FGGY: variants seen among roughly 807,000 people sequenced by gnomAD.
FGGY encodes the protein FGGY carbohydrate kinase domain containing.
In FGGY, 72 loss-of-function variants were observed where a neutral mutation model predicts 71.3. The observed-to-expected ratio is 1.01, with a 90% confidence interval of 0.84 to 1.23. The LOEUF is 1.23. Among genes scored for constraint, FGGY ranks in the 50% most tolerant of loss-of-function variants. The probability of loss-of-function intolerance (pLI) is 0.00; values close to 1 mark genes in which losing one functional copy is unlikely to be tolerated. For missense variants in FGGY, 668 were observed against 682.3 expected (o/e 0.98, Z 0.23); for synonymous variants, 251 against 250.3 (o/e 1.00, Z -0.02).
chr1:59,366,711 G>A (rs761826407), intron 4 of FGGY, among the ~76,000 whole-genome samples: 1 of 151,636 alleles, frequency 6.6e-6, no homozygotes, highest in Non-Finnish European at 1.5e-5. Flanking sequence ...TCATGAGTTA[G>A]ACTTGGCTCT....
chr1:59,677,006 G>A lies in FGGY; in HGVS notation c.1512+2873G>A, dbSNP rs906342616. Among the ~76,000 whole-genome samples the A allele has an allele frequency of 3.4e-4, 51 of 152,070 alleles. 1 individual carries two copies. Among genetic ancestry groups the A allele is most frequent in the African/African-American group, 1.0e-3 (42 of 41,452 alleles). ...GAATTGCCACCCATATGGGACTATC[G>A]AGATAAAGAGCCTTTGAAAGTTCCA... On this transcript the variant is annotated intron_variant, in intron 14 of 15. Coordinates refer to ENST00000303721, the MANE Select transcript of FGGY (RefSeq NM_018291.5).
intron 1 of FGGY, among the ~76,000 whole-genome samples, chr1:59,298,954 G>A (rs2153072791): frequency 6.6e-6 from 1 of 152,340 alleles, no homozygotes; most frequent in South Asian, 2.1e-4. Flanking sequence ...GGAAAGTGCA[G>A]ATGAGTAAGA....
chr1:59,354,143 T>C, intron 4 of FGGY, among the ~76,000 whole-genome samples: 1 of 152,144 alleles, frequency 6.6e-6, no homozygotes, highest in East Asian at 1.9e-4. Flanking sequence ...AGTAGCACAG[T>C]CTTGGCTCAT....
intron 4 of FGGY, among the ~76,000 whole-genome samples, chr1:59,350,658 G>A (rs2053097584): frequency 1.3e-5 from 2 of 152,214 alleles, no homozygotes; most frequent in Admixed American, 6.5e-5. Context: ...TGTTAAGCAA[G>A]GGAGGGGCTG....
At chr1:59,618,773 G>C (rs1229347880) in intron 9 of FGGY, among the ~76,000 whole-genome samples, 1 of 151,978 alleles carries the variant, frequency 6.6e-6, no homozygotes, top group African/African-American at 2.4e-5. Flanking sequence ...ATATGAATGA[G>C]AATATACACT....
At chr1:59,573,552 A>G (rs1314783847) in intron 8 of FGGY, among the ~76,000 whole-genome samples, 1 of 152,162 alleles carries the variant, frequency 6.6e-6, no homozygotes, top group Admixed American at 6.5e-5. Flanking sequence ...GGGAAAATCT[A>G]GGTGAATATT....
intron 7 of FGGY, among the ~76,000 whole-genome samples, chr1:59,515,010 T>A (rs1478264634): frequency 2.0e-5 from 3 of 152,200 alleles, no homozygotes; most frequent in Non-Finnish European, 4.4e-5. Context: ...TTGCCTTGTC[T>A]CTGATGAGAC....
chr1:59,465,589 A>T (rs1299335526), intron 6 of FGGY, among the ~76,000 whole-genome samples: 1 of 152,216 alleles, frequency 6.6e-6, no homozygotes, highest in Non-Finnish European at 1.5e-5. Flanking sequence ...AGATGACATG[A>T]TTGTATATTT....
At chr1:59,550,353 C>T (rs749375042) in intron 7 of FGGY, among the ~76,000 whole-genome samples, 1 of 152,022 alleles carries the variant, frequency 6.6e-6, no homozygotes, top group Non-Finnish European at 1.5e-5. Context: ...CCTCTTTTCT[C>T]GGGGATAGCC....
intron 2 of FGGY, among the ~76,000 whole-genome samples, chr1:59,333,627 C>A (rs1006773352): frequency 1.7e-4 from 26 of 152,168 alleles, no homozygotes; most frequent in Non-Finnish European, 1.3e-4. Context: ...AAGGACATTC[C>A]AGGCAGAAAT....
intron 11 of FGGY, chr1:59,641,178 G>C (rs2097022130): frequency 1.3e-6 from 1 of 764,488 alleles, no homozygotes; most frequent in Admixed American, 2.2e-5. Context: ...GCATGTGAAT[G>C]TCTACAATTT....
At chr1:59,711,402 G>T (rs2097793188) in intron 14 of FGGY, among the ~76,000 whole-genome samples, 1 of 152,008 alleles carries the variant, frequency 6.6e-6, no homozygotes, top group Non-Finnish European at 1.5e-5. Flanking sequence ...AACAAACCTG[G>T]ATGTTCTTCA....
At chr1:59,533,166 G>A (rs2095204207) in intron 7 of FGGY, among the ~76,000 whole-genome samples, 1 of 152,226 alleles carries the variant, frequency 6.6e-6, no homozygotes, top group African/African-American at 2.4e-5. Context: ...TGCACGAGCT[G>A]AAGCAGGGCA....
At position 59,679,968 on chromosome 1, in the gene FGGY, G is replaced by C. The variant is rs570095098; in HGVS notation, c.1512+5835G>C. Among the ~76,000 whole-genome samples the C allele has an allele frequency of 2.0e-5, 3 of 152,210 alleles. No individual in the cohort carries two copies. The South Asian group carries it at 6.2e-4, about 32-fold the overall frequency. ...TTATCTCTATAAAATAAAATTAGAG[G>C]CATATAATTGTTCAGGCAAAAAGTG... On this transcript the variant is annotated intron_variant, in intron 14 of 15. Coordinates refer to ENST00000303721, the MANE Select transcript of FGGY (RefSeq NM_018291.5).
intron 9 of FGGY, among the ~76,000 whole-genome samples, chr1:59,616,555 A>C (rs978888381): frequency 2.0e-5 from 3 of 152,146 alleles, no homozygotes; most frequent in African/African-American, 7.2e-5. Context: ...TGGGTGCCGC[A>C]CACCAATATG....
chr1:59,536,517 A>G (rs1389065195), intron 7 of FGGY, among the ~76,000 whole-genome samples: 1 of 152,192 alleles, frequency 6.6e-6, no homozygotes, highest in African/African-American at 2.4e-5. Flanking sequence ...CCAGGCAGAG[A>G]CACAACCAAA....
chr1:59,492,702 G>A (rs138030087), intron 6 of FGGY, among the ~76,000 whole-genome samples: 4 of 151,968 alleles, frequency 2.6e-5, no homozygotes, highest in South Asian at 2.1e-4. Flanking sequence ...AATAAACCTC[G>A]AGTCTTTTGC....
At chr1:59,557,005 C>T (rs956153425) in intron 8 of FGGY, among the ~76,000 whole-genome samples, 2 of 152,228 alleles carry the variant, frequency 1.3e-5, no homozygotes, top group African/African-American at 4.8e-5. Flanking sequence ...GGGGATTAAT[C>T]ATCAGCTTTA....
chr1:59,499,094 A>G (rs2094136932), intron 6 of FGGY, among the ~76,000 whole-genome samples: 3 of 151,922 alleles, frequency 2.0e-5, no homozygotes, highest in Non-Finnish European at 2.9e-5. Flanking sequence ...TTAGATTTTG[A>G]TCTCTATTTC....
Sources: gnomAD v4.1 joint callset for allele counts (sites outside exome capture counted in the v4.1 genomes callset) on GRCh38, gnomAD v4.1.1 for gene constraint, MANE v1.5 for transcripts, NCBI Gene and HGNC (gene_info 2026-07-23, HGNC 2026-07-21) for gene names.